ELMO1: variants seen among roughly 807,000 people sequenced by gnomAD.
ELMO1 encodes the protein engulfment and cell motility 1.
In ELMO1, 26 loss-of-function variants were observed where a neutral mutation model predicts 98.9. That is an observed-to-expected ratio of 0.26 (90% CI 0.19 to 0.36). The LOEUF (loss-of-function observed/expected upper bound fraction) is 0.36, where lower values mean the gene tolerates loss of function less well. Ranked by LOEUF, ELMO1 falls within the 10% of genes least tolerant of loss-of-function variation. The pLI, the probability that ELMO1 is intolerant of heterozygous loss-of-function variation, is 1.00. For synonymous variants in ELMO1, 346 were observed against 346.0 expected (o/e 1.00, Z 0.00); for missense variants, 627 against 935.2 (o/e 0.67, Z 4.30).
At chr7:37,350,015 G>C (rs1801186011) in intron 1 of ELMO1, among the ~76,000 whole-genome samples, 1 of 152,192 alleles carries the variant, frequency 6.6e-6, no homozygotes, top group African/African-American at 2.4e-5. Context: ...CATGGGAGCA[G>C]CAGTGGTGGG....
chr7:37,004,124 C>A (rs983282274), intron 16 of ELMO1, among the ~76,000 whole-genome samples: 1 of 152,152 alleles, frequency 6.6e-6, no homozygotes, highest in East Asian at 1.9e-4. Flanking sequence ...TAATGGTACC[C>A]TTCTTAGCTA....
At chr7:37,233,047 A>G in intron 8 of ELMO1, 48 bp downstream of exon 8, 2 of 1,477,902 alleles carry the variant, frequency 1.4e-6, no homozygotes, top group Non-Finnish European at 9.3e-7. Context: ...AAAAATAGCT[A>G]TGACAGAAGA....
intron 13 of ELMO1, among the ~76,000 whole-genome samples, chr7:37,198,953 C>T (rs962298816): frequency 1.3e-5 from 2 of 152,212 alleles, no homozygotes; most frequent in Non-Finnish European, 2.9e-5. Flanking sequence ...CCACTAAGTC[C>T]TCCACTTCAT....
intron 7 of ELMO1, among the ~76,000 whole-genome samples, chr7:37,237,586 G>A (rs975271179): frequency 1.6e-4 from 25 of 152,092 alleles, no homozygotes; most frequent in Admixed American, 4.6e-4. Context: ...CACCATGCCC[G>A]GCCCCAATAC....
chr7:37,377,583 G>A (rs567493090), intron 1 of ELMO1, among the ~76,000 whole-genome samples: 1 of 152,132 alleles, frequency 6.6e-6, no homozygotes, highest in African/African-American at 2.4e-5. Flanking sequence ...ATGTGGATAG[G>A]AGACACCTCC....
chr7:36,927,880 G>A (rs956484294), intron 16 of ELMO1, among the ~76,000 whole-genome samples: 2 of 152,128 alleles, frequency 1.3e-5, no homozygotes, highest in African/African-American at 4.8e-5. Context: ...ATGGGCTCAA[G>A]GGGAAGAGAT....
chr7:37,201,833 G>C (rs1792315178), intron 13 of ELMO1, among the ~76,000 whole-genome samples: 1 of 152,240 alleles, frequency 6.6e-6, no homozygotes, highest in Non-Finnish European at 1.5e-5. Flanking sequence ...GGATGCCTCA[G>C]AAGTTATTAG....
intron 15 of ELMO1, among the ~76,000 whole-genome samples, chr7:37,076,697 T>C (rs1373660720): frequency 6.6e-6 from 1 of 152,262 alleles, no homozygotes; most frequent in East Asian, 1.9e-4. Flanking sequence ...TTGAGTTCCA[T>C]TGGTGAGTAT....
rs548349226 is a variant in ELMO1, at chr7:37,130,705, A to T, written c.1191+2425T>A. 2.0e-5 allele frequency among the ~76,000 whole-genome samples: 3 copies of T among 152,216 alleles called. No individual in the cohort carries two copies. The South Asian group carries it at 6.2e-4, about 32-fold the overall frequency. On this transcript the variant is annotated intron_variant, in intron 14 of 21. Coordinates refer to ENST00000310758, the MANE Select transcript of ELMO1 (RefSeq NM_014800.11). ...TAGAAAGTGGGTGAGGGACCATGAT[A>T]CCTGGGAGTGACAAGGGCAACGAGG...
At chr7:37,371,767 T>C (rs959263545) in intron 1 of ELMO1, among the ~76,000 whole-genome samples, 2 of 152,220 alleles carry the variant, frequency 1.3e-5, no homozygotes, top group Non-Finnish European at 2.9e-5. Context: ...ATTAGTGGCC[T>C]GCTTCTTAAT....
At chr7:37,287,003 G>C (rs1020478388) in intron 4 of ELMO1, among the ~76,000 whole-genome samples, 1 of 152,116 alleles carries the variant, frequency 6.6e-6, no homozygotes, top group Non-Finnish European at 1.5e-5. Context: ...CAGCAGCCTG[G>C]CCAATACGGT....
At chr7:37,159,505 A>G (rs1789045953) in intron 13 of ELMO1, among the ~76,000 whole-genome samples, 1 of 152,194 alleles carries the variant, frequency 6.6e-6, no homozygotes, top group Admixed American at 6.5e-5. Flanking sequence ...GTTCAAGACC[A>G]GCCTGGCCAA....
chr7:37,150,516 G>A lies in ELMO1; in HGVS notation c.1087-17282C>T, dbSNP rs188562971. 1.5e-3 allele frequency among the ~76,000 whole-genome samples: 229 copies of A among 152,108 alleles called. 4 individuals carry two copies. The highest frequency in any genetic ancestry group is 1.6e-4 in the Non-Finnish European group (11 of 67,998). On this transcript the variant is annotated intron_variant, in intron 13 of 21. Coordinates refer to ENST00000310758, the MANE Select transcript of ELMO1 (RefSeq NM_014800.11). ...ACTATGCAACATTTATGTGCATAGA[G>A]TATTTACTTATGATGAATGAAAAGG...
intron 14 of ELMO1, among the ~76,000 whole-genome samples, chr7:37,112,918 T>C (rs982055137): frequency 6.6e-6 from 1 of 152,120 alleles, no homozygotes; most frequent in Non-Finnish European, 1.5e-5. Flanking sequence ...CAATACAAAA[T>C]CCCTTCTGAT....
intron 5 of ELMO1, chr7:37,270,168 T>C (rs564398483): frequency 4.6e-5 from 7 of 152,328 alleles, no homozygotes; most frequent in African/African-American, 1.7e-4. Context: ...CATTCATTCA[T>C]GCTGACTTGA....
intron 17 of ELMO1, among the ~76,000 whole-genome samples, chr7:36,891,904 A>C (rs1805586199): frequency 6.6e-6 from 1 of 152,102 alleles, no homozygotes; most frequent in South Asian, 2.1e-4. Context: ...CATAGTGTTA[A>C]ATGATCGATT....
intron 19 of ELMO1, among the ~76,000 whole-genome samples, chr7:36,876,770 T>C (rs967134487): frequency 6.6e-6 from 1 of 152,174 alleles, no homozygotes; most frequent in African/African-American, 2.4e-5. Context: ...AGGACACCCC[T>C]AACTCCTGCC....
chr7:37,446,227 A>G lies in ELMO1; in HGVS notation c.-74+2448T>C, dbSNP rs980803265. Reference sequence around the variant, plus strand: ...CAAACACTTATTGAGCACCGACATCATGCTAAGAATCCATCCAGGTTCTGG... The same window carrying G: ...CAAACACTTATTGAGCACCGACATCGTGCTAAGAATCCATCCAGGTTCTGG... On this transcript the variant is annotated intron_variant, in intron 1 of 21. Transcript: ENST00000310758. Among the ~76,000 whole-genome samples, 24 of 152,360 alleles carry G rather than the reference A, an allele frequency of 1.6e-4. No homozygotes were observed. In the East Asian group the frequency reaches 4.0e-3, roughly 26 times the overall value.
At chr7:37,396,849 A>G (rs144001087) in intron 1 of ELMO1, among the ~76,000 whole-genome samples, 14 of 152,258 alleles carry the variant, frequency 9.2e-5, no homozygotes, top group African/African-American at 3.4e-4. Context: ...AATAAGTGTT[A>G]GCCAGAAATT....
Sources: gnomAD v4.1 joint callset for allele counts (sites outside exome capture counted in the v4.1 genomes callset) on GRCh38, gnomAD v4.1.1 for gene constraint, MANE v1.5 for transcripts, NCBI Gene and HGNC (gene_info 2026-07-23, HGNC 2026-07-21) for gene names.